The following CNTN1 variants were observed in gnomAD, a reference collection of about 807,000 sequenced individuals.
The protein encoded by CNTN1 is contactin 1.
In CNTN1, 38 loss-of-function variants were observed where a neutral mutation model predicts 126.4. The observed-to-expected ratio is 0.30, with a 90% CI of 0.23 to 0.39. The LOEUF is 0.39. Among genes scored for constraint, CNTN1 ranks in the 10% least tolerant of loss-of-function variants. CNTN1 has a pLI of 1.00. For missense variants in CNTN1, 1,009 were observed against 1,248.4 expected (o/e 0.81, Z 2.89); for synonymous variants, 413 against 422.6 (o/e 0.98, Z 0.28).
intron 17 of CNTN1, among the ~76,000 whole-genome samples, chr12:41,004,489 A>G (rs532367996): frequency 8.1e-4 from 124 of 152,284 alleles, no homozygotes; most frequent in African/African-American, 2.7e-3. Flanking sequence ...GGTCCTGATT[A>G]TCTTTGTTAA....
chr12:40,747,761 G>C (rs1938242546), intron 1 of CNTN1, among the ~76,000 whole-genome samples: 1 of 152,110 alleles, frequency 6.6e-6, no homozygotes, highest in South Asian at 2.1e-4. Flanking sequence ...CGATGGACTT[G>C]ACTGTGATTT....
At chr12:41,036,503 A>C (rs1262339475) in intron 23 of CNTN1, among the ~76,000 whole-genome samples, 1 of 152,202 alleles carries the variant, frequency 6.6e-6, no homozygotes, top group Non-Finnish European at 1.5e-5. Flanking sequence ...CTTCTAAATC[A>C]GTTTCATGGT....
intron 23 of CNTN1, among the ~76,000 whole-genome samples, chr12:41,039,768 A>C (rs938545887): frequency 6.6e-6 from 1 of 152,156 alleles, no homozygotes; most frequent in Non-Finnish European, 1.5e-5. Flanking sequence ...TGTTGCCCAA[A>C]GTTGGCAAAT....
Position 40,918,745 on chromosome 12 carries a change from A to G in CNTN1, c.201A>G (p.Ala67=), listed in dbSNP as rs2136857289. 1 of 1,613,754 alleles carries G rather than the reference A, an allele frequency of 6.2e-7. No individual in the cohort carries two copies. Among genetic ancestry groups the G allele is most frequent in the Non-Finnish European group, 8.5e-7 (1 of 1,179,702 alleles). ...GAAAAGTCTCACTCAACTGTAGGGC[A>G]CGAGCCAGCCCTTTCCCGGTTTACA... is the stretch of plus-strand genomic sequence containing the variant. ...LEGKVSLNCR[A]RASPFPVYKW... Residue 67 remains alanine (A), a synonymous_variant, in exon 4 of 24, where the codon GCA becomes GCG. Coordinates refer to ENST00000551295, the MANE Select transcript of CNTN1 (RefSeq NM_001843.4).
intron 1 of CNTN1, among the ~76,000 whole-genome samples, chr12:40,795,025 A>G (rs1219413900): frequency 1.3e-5 from 2 of 152,086 alleles, no homozygotes; most frequent in Non-Finnish European, 2.9e-5. Flanking sequence ...ATCTGCAATC[A>G]GTTGATTTTA....
intron 1 of CNTN1, among the ~76,000 whole-genome samples, chr12:40,887,249 A>G (rs2136713866): frequency 6.6e-6 from 1 of 152,174 alleles, no homozygotes; most frequent in South Asian, 2.1e-4. Context: ...TTCATTGAGC[A>G]GTGGTTTGTA....
intron 16 of CNTN1, among the ~76,000 whole-genome samples, chr12:40,987,180 A>C (rs1268131671): frequency 6.6e-6 from 1 of 152,222 alleles, no homozygotes; most frequent in East Asian, 1.9e-4. Flanking sequence ...GTTTTTATTT[A>C]TAATGTGACC....
At chr12:40,983,321 A>G (rs918972788) in intron 16 of CNTN1, among the ~76,000 whole-genome samples, 1 of 152,112 alleles carries the variant, frequency 6.6e-6, no homozygotes, top group African/African-American at 2.4e-5. Flanking sequence ...TAATGTTATT[A>G]TTGATACAGT....
chr12:40,953,217 A>T (rs1367744374), intron 14 of CNTN1, among the ~76,000 whole-genome samples: 2 of 152,176 alleles, frequency 1.3e-5, no homozygotes, highest in African/African-American at 2.4e-5. Flanking sequence ...ACACTTTGGA[A>T]CATCCCTGAG....
chr12:40,923,372 A>G (rs547031815), intron 5 of CNTN1, among the ~76,000 whole-genome samples: 11 of 152,256 alleles, frequency 7.2e-5, no homozygotes, highest in Non-Finnish European at 1.5e-4. Context: ...TGCAAAATGA[A>G]TTATAGGATG....
intron 19 of CNTN1, among the ~76,000 whole-genome samples, chr12:41,018,228 T>G (rs1948826539): frequency 2.0e-5 from 3 of 152,208 alleles, no homozygotes; most frequent in Admixed American, 1.3e-4. Context: ...TGGCCAAGTT[T>G]CTCTTTGCAC....
At chr12:40,953,043 A>T (rs1016981862) in intron 14 of CNTN1, among the ~76,000 whole-genome samples, 1 of 152,130 alleles carries the variant, frequency 6.6e-6, no homozygotes. Context: ...GTTCACTAAG[A>T]TTAATTCAAT....
At chr12:40,924,131 C>T (rs915418552) in intron 5 of CNTN1, among the ~76,000 whole-genome samples, 2 of 152,084 alleles carry the variant, frequency 1.3e-5, no homozygotes, top group African/African-American at 4.8e-5. Context: ...GATATCCAAG[C>T]CCTCCCTCAG....
At chr12:40,971,091 T>G (rs928628787) in intron 15 of CNTN1, among the ~76,000 whole-genome samples, 1 of 152,192 alleles carries the variant, frequency 6.6e-6, no homozygotes, top group Non-Finnish European at 1.5e-5. Flanking sequence ...CATAACCATA[T>G]GTTTCAGTAG....
chr12:40,910,571 A>T (rs555597918), intron 3 of CNTN1, among the ~76,000 whole-genome samples: 1 of 152,206 alleles, frequency 6.6e-6, no homozygotes, highest in Non-Finnish European at 1.5e-5. Flanking sequence ...GCCTACTTCA[A>T]CTACCAAACA....
At chr12:40,708,611 T>A (rs1941830614) in intron 1 of CNTN1, among the ~76,000 whole-genome samples, 1 of 152,242 alleles carries the variant, frequency 6.6e-6, no homozygotes, top group Admixed American at 6.5e-5. Flanking sequence ...CATGCAATTC[T>A]GTTTTATAGC....
chr12:40,869,056 T>C (rs1017299186), intron 1 of CNTN1, among the ~76,000 whole-genome samples: 2 of 151,892 alleles, frequency 1.3e-5, no homozygotes, highest in Non-Finnish European at 1.5e-5. Context: ...AAAAAAATTT[T>C]ATGATTAAAT....
intron 1 of CNTN1, among the ~76,000 whole-genome samples, chr12:40,850,545 A>T (rs534157694): frequency 1.9e-4 from 28 of 146,130 alleles, no homozygotes; most frequent in African/African-American, 5.3e-4. Context: ...TCTTTGCATT[A>T]AAAAAAAAAG....
chr12:40,989,314 C>T lies in CNTN1; in HGVS notation c.1964-3806C>T, dbSNP rs188736412. ...AAGACATTTAGGGCTCACAATAAAA[C>T]ATATAAAATGTGTTTTAAAAGTAAA... On this transcript the variant is annotated intron_variant, in intron 16 of 23. Coordinates refer to ENST00000551295, the MANE Select transcript of CNTN1 (RefSeq NM_001843.4). 1.6e-3 allele frequency among the ~76,000 whole-genome samples: 250 copies of T among 152,192 alleles called. 3 individuals carry two copies. Among genetic ancestry groups the T allele is most frequent in the African/African-American group, 5.2e-3 (216 of 41,542 alleles).
Sources: allele counts gnomAD v4.1 joint callset (sites outside exome capture counted in the v4.1 genomes callset), GRCh38; gene constraint gnomAD v4.1.1; transcripts MANE v1.5; gene names NCBI Gene and HGNC (gene_info 2026-07-23, HGNC 2026-07-21).